ESPL1: variants seen among roughly 807,000 people sequenced by gnomAD.
ESPL1 encodes the protein extra spindle pole bodies like 1, separase.
Under a neutral mutation model 217.2 loss-of-function variants are expected in ESPL1, and 50 were observed. The observed-to-expected ratio is 0.23, with a 90% CI of 0.18 to 0.29. The LOEUF is 0.29. Among genes scored for constraint, ESPL1 ranks in the 10% least tolerant of loss-of-function variants. ESPL1 has a pLI of 1.00. For synonymous variants in ESPL1, 994 were observed against 1,081.3 expected (o/e 0.92, Z 1.58); for missense variants, 1,834 against 2,603.0 (o/e 0.70, Z 6.43).
Position 53,282,513 on chromosome 12 carries a change from C to G in ESPL1, c.2791+78C>G. The G allele has an allele frequency of 7.4e-7, 1 of 1,355,986 alleles. No individual in the cohort carries two copies. Among genetic ancestry groups the G allele is most frequent in the Non-Finnish European group, 1.0e-6 (1 of 969,204 alleles). The allele number at this position is 1,355,986 out of a possible 1,614,324, so 84.0% of individuals were successfully genotyped here. A position where few individuals can be genotyped will look rare whatever the true frequency, so the allele number is the denominator to read the frequency against. On this transcript the variant is annotated intron_variant, in intron 14 of 30. Transcript: ENST00000257934. The surrounding 1 kb of genome is among the most constrained non-coding windows in gnomAD (Gnocchi z 4.0). ...CTGTCAGCTCTTCTCAAACCTCATC[C>G]CCTCTGCTGGCTAACTATGTGGCCC...
chr12:53,277,377 C>A, intron 9 of ESPL1, 93 bp from the exon 10 acceptor site: 1 of 1,510,122 alleles, frequency 6.6e-7, no homozygotes, highest in Non-Finnish European at 9.0e-7. Flanking sequence ...AACTCCTGGG[C>A]TCCAACAATC....
At chr12:53,270,210 A>T in intron 3 of ESPL1, 125 bp downstream of exon 3, 1 of 995,866 alleles carries the variant, frequency 1.0e-6, no homozygotes, top group Non-Finnish European at 1.5e-6. Context: ...GACAGTGCCT[A>T]GCGAGCCAGC....
intron 22 of ESPL1, 80 bp downstream of exon 22, chr12:53,289,674 G>C: frequency 1.6e-6 from 2 of 1,217,182 alleles, no homozygotes; most frequent in Non-Finnish European, 2.3e-6. Context: ...GGAGTTTTAG[G>C]CATTGGTTAG....
At chr12:53,291,217 G>A (rs1368044572) in intron 25 of ESPL1, among the ~76,000 whole-genome samples, 2 of 151,960 alleles carry the variant, frequency 1.3e-5, no homozygotes, top group Non-Finnish European at 2.9e-5. Context: ...CAGGAGAATT[G>A]CTTGAACCTG....
At chr12:53,273,836 GTTTTTTTTTTTTTTTTTTT>G (rs71096001) in intron 6 of ESPL1, among the ~76,000 whole-genome samples, 2 of 63,168 alleles carry the variant, frequency 3.2e-5, no homozygotes, top group Non-Finnish European at 5.3e-5. Context: ...TGGTTTTTTG[GTTTTTTTTTTTTTTTTTTT>G]TTTTTTTTTT....
rs1592499465 is a variant in ESPL1, at chr12:53,292,456, C to T, written c.5912+63C>T. Reference sequence around the variant, plus strand: ...GTAGACAACATACAGGGGCAACAAGCCTTTTCTCCAGAAACAGCTGTTGCA... The same window carrying T: ...GTAGACAACATACAGGGGCAACAAGTCTTTTCTCCAGAAACAGCTGTTGCA... On this transcript the variant is annotated intron_variant, in intron 28 of 30. Coordinates refer to ENST00000257934, the MANE Select transcript of ESPL1 (RefSeq NM_012291.5). The surrounding 1 kb of genome is among the most constrained non-coding windows in gnomAD (Gnocchi z 4.5). 18 of 1,419,970 alleles carry T rather than the reference C, an allele frequency of 1.3e-5. No homozygotes were observed. In the East Asian group the frequency reaches 3.0e-4, roughly 23 times the overall value. The allele number at this position is 1,419,970 out of a possible 1,614,324, so 88.0% of individuals were successfully genotyped here.
Position 53,268,861 on chromosome 12 carries a change from C to A in ESPL1, c.81+14C>A, listed in dbSNP as rs189340711. On this transcript the variant is annotated intron_variant, in intron 2 of 30. Coordinates refer to ENST00000257934, the MANE Select transcript of ESPL1 (RefSeq NM_012291.5). ...CCCGCCTTGAAGGTGGGGGTGCTGCCTGGCTCGGGATACACCTGGCTTTCC... is the reference window on the plus strand; with the variant it reads ...CCCGCCTTGAAGGTGGGGGTGCTGCATGGCTCGGGATACACCTGGCTTTCC... The A allele has an allele frequency of 3.2e-5, 52 of 1,605,342 alleles. No homozygotes were observed. In the East Asian group the frequency reaches 1.1e-3, roughly 35 times the overall value.
chr12:53,282,082 G>A lies in ESPL1; in HGVS notation c.2620-182G>A, dbSNP rs1050437690. ...AGCTAGGAACTGTTACTGCTTCTCAGGGTCAGGAACATTCTGCCTAGGTCC... is the reference window on the plus strand; with the variant it reads ...AGCTAGGAACTGTTACTGCTTCTCAAGGTCAGGAACATTCTGCCTAGGTCC... On this transcript the variant is annotated intron_variant, in intron 13 of 30. Transcript: ENST00000257934. This position sits in a 1 kb window ranked among gnomAD's most constrained non-coding sequence, Gnocchi z 4.0. Among the ~76,000 whole-genome samples the A allele has an allele frequency of 6.6e-6, 1 of 152,110 alleles. No homozygotes were observed. Among genetic ancestry groups the A allele is most frequent in the African/African-American group, 2.4e-5 (1 of 41,424 alleles).
In ESPL1 at chr12:53,269,130, C is replaced by A. The variant is rs776118214; in HGVS notation, c.188C>A (p.Ala63Asp). The A allele has an allele frequency of 3.1e-6, 5 of 1,614,184 alleles. No individual in the cohort carries two copies. In the Admixed American group the frequency reaches 8.3e-5, roughly 27 times the overall value. ...ILRACNQQLT[A>D]KLACPRHLGS... ...AGGGCTTGCAACCAGCAGCTGACTG[C>A]TAAGCTAGCTTGCCCTAGGCATCTG... Residue 63 changes from alanine to aspartate, a missense_variant, in exon 3 of 31, where the codon GCT becomes GAT. Transcript: ENST00000257934. The surrounding 1 kb of genome is among the most constrained non-coding windows in gnomAD (Gnocchi z 6.7).
intron 11 of ESPL1, 102 bp from the exon 12 acceptor site, chr12:53,279,630 G>T: frequency 1.9e-6 from 2 of 1,063,340 alleles, no homozygotes; most frequent in Non-Finnish European, 2.8e-6. Context: ...CCCAGGCCCT[G>T]AGGTCAAACT....
chr12:53,292,683 G>A lies in ESPL1; in HGVS notation c.5996+26G>A. 5.0e-6 allele frequency: 8 copies of A among 1,605,148 alleles called. No individual in the cohort carries two copies. The highest frequency in any genetic ancestry group is 6.8e-6 in the Non-Finnish European group (8 of 1,172,906). ...GTGAGTGCTTAAGGCAGGGATGTGG[G>A]GAGAGGGGCAGTCCTGAGGATGGTA... On this transcript the variant is annotated intron_variant, in intron 29 of 30. Transcript: ENST00000257934. This position sits in a 1 kb window ranked among gnomAD's most constrained non-coding sequence, Gnocchi z 4.5.
intron 7 of ESPL1, 76 bp from the exon 8 acceptor site, chr12:53,276,544 C>T: frequency 6.8e-7 from 1 of 1,460,246 alleles, no homozygotes; most frequent in East Asian, 2.5e-5. Context: ...GGCTGGGGCT[C>T]CTCAGCATGG....
In ESPL1 at chr12:53,289,514, C is replaced by G. The variant is rs757373597; in HGVS notation, c.5033C>G (p.Ser1678Cys). 6.2e-7 allele frequency: 1 copy of G among 1,614,200 alleles called. No homozygotes were observed. Among genetic ancestry groups the G allele is most frequent in the Non-Finnish European group, 8.5e-7 (1 of 1,180,036 alleles). ...CTGGCCCGCATCCAGCGCCTCTTTT[C>G]CTTCAGGGCTTTGGAATCTGGCCAC... ...VPLARIQRLF[S>C]FRALESGHFP... Residue 1678 changes from serine to cysteine, a missense_variant, in exon 22 of 31, where the codon TCC (serine) becomes TGC (cysteine). Physicochemically the swap from Ser to Cys is moderately radical, Grantham distance 112. Coordinates refer to ENST00000257934, the MANE Select transcript of ESPL1 (RefSeq NM_012291.5).
In ESPL1 at chr12:53,293,036, C is replaced by G; in HGVS notation, c.6161+66C>G. ...CTCCTGCCCTCACCCCAGGTTCTTT[C>G]CCAGGTCTGAATCTTGCCTCTCTTG... On this transcript the variant is annotated intron_variant, in intron 30 of 30. Coordinates refer to ENST00000257934, the MANE Select transcript of ESPL1 (RefSeq NM_012291.5). The surrounding 1 kb of genome is among the most constrained non-coding windows in gnomAD (Gnocchi z 4.2). 6.7e-6 allele frequency: 10 copies of G among 1,489,020 alleles called. No individual in the cohort carries two copies. Among genetic ancestry groups the G allele is most frequent in the Non-Finnish European group, 8.2e-6 (9 of 1,092,136 alleles). The allele number at this position is 1,489,020 out of a possible 1,614,324, so 92.2% of individuals were successfully genotyped here.
chr12:53,276,584 G>A (rs1943768211), intron 7 of ESPL1, 36 bp from the exon 8 acceptor site: 2 of 1,557,872 alleles, frequency 1.3e-6, no homozygotes, highest in Non-Finnish European at 1.7e-6. Flanking sequence ...TATGCCTCCT[G>A]GGTTCCACCC....
At chr12:53,281,863 C>T (rs547025668) in intron 13 of ESPL1, among the ~76,000 whole-genome samples, 46 of 152,138 alleles carry the variant, frequency 3.0e-4, no homozygotes, top group Non-Finnish European at 1.5e-4. Flanking sequence ...TGTCCTGTGA[C>T]GAAAAGCTGG....
chr12:53,281,416 G>C, intron 12 of ESPL1, 91 bp from the exon 13 acceptor site: 1 of 1,344,410 alleles, frequency 7.4e-7, no homozygotes, highest in South Asian at 1.3e-5. Flanking sequence ...TGGGATTACA[G>C]GTGTGAGCCA....
chr12:53,277,859 A>G lies in ESPL1; in HGVS notation c.2263A>G (p.Lys755Glu), dbSNP rs1448698603. 2 of 1,614,064 alleles carry G rather than the reference A, an allele frequency of 1.2e-6. No homozygotes were observed. The highest frequency in any genetic ancestry group is 1.7e-6 in the Non-Finnish European group (2 of 1,180,034). The change falls in exon 11 of 31, where the codon AAG becomes GAG. Residue 755 changes from lysine (K) to glutamate (E), a missense_variant. Coordinates refer to ENST00000257934, the MANE Select transcript of ESPL1 (RefSeq NM_012291.5). ...CCTGGACCAAGCCCTGGCCCTGTGG[A>G]AGGAGCTGCTTACAAAGGGGCAGGC... ...KCLDQALALW[K>E]ELLTKGQAPA...
At position 53,292,125 on chromosome 12, in the gene ESPL1, G is replaced by A. The variant is rs751527803; in HGVS notation, c.5796+37G>A. The A allele has an allele frequency of 5.2e-6, 8 of 1,530,130 alleles. No homozygotes were observed. The highest frequency in any genetic ancestry group is 4.5e-5 in the East Asian group (2 of 44,494). 94.8% of individuals were successfully genotyped at this position (1,530,130 alleles called of 1,614,324 possible). A position where few individuals can be genotyped will look rare whatever the true frequency, so the allele number is the denominator to read the frequency against. On this transcript the variant is annotated intron_variant, in intron 27 of 30. Transcript: ENST00000257934. The surrounding 1 kb of genome is among the most constrained non-coding windows in gnomAD (Gnocchi z 4.5). The stretch of plus-strand genomic sequence containing the variant: ...GGCGTAGTGTCTGGGGATGACTGGC[G>A]ACTGGGGAAGACGTCAACAAAGAAG...
Sources: gnomAD v4.1 joint callset for allele counts (sites outside exome capture counted in the v4.1 genomes callset) on GRCh38, gnomAD v4.1.1 for gene constraint, Gnocchi (gnomAD v3.1) non-coding constraint, MANE v1.5 for transcripts, NCBI Gene and HGNC (gene_info 2026-07-23, HGNC 2026-07-21) for gene names.